The following TNS4 variants were observed in gnomAD, a reference collection of about 807,000 sequenced individuals.
The protein encoded by TNS4 is tensin-4.
TNS4 carries 46 observed loss-of-function variants against 70.4 expected under a neutral mutation model. That is an observed-to-expected ratio of 0.65 (90% CI 0.52 to 0.84). The LOEUF (loss-of-function observed/expected upper bound fraction) is 0.84, where lower values mean the gene tolerates loss of function less well. Among genes scored for constraint, TNS4 ranks in the 40% least tolerant of loss-of-function variants. The pLI, the probability that TNS4 is intolerant of heterozygous loss-of-function variation, is 0.00. For missense variants in TNS4, 863 were observed against 907.0 expected (o/e 0.95, Z 0.62); for synonymous variants, 390 against 366.6 (o/e 1.06, Z -0.73).
intron 2 of TNS4, 137 bp downstream of exon 2, chr17:40,495,850 G>C: frequency 1.2e-6 from 1 of 817,320 alleles, no homozygotes; most frequent in African/African-American, 1.8e-5. Context: ...AGAAAACAGA[G>C]GGGTTAGTAA....
chr17:40,482,063 C>A, intron 8 of TNS4, 66 bp downstream of exon 8: 1 of 1,566,584 alleles, frequency 6.4e-7, no homozygotes, highest in Non-Finnish European at 8.7e-7. Context: ...TAGGAGTGAA[C>A]CCCATTTCTA....
chr17:40,485,165 T>C (rs1488152635), intron 4 of TNS4, among the ~76,000 whole-genome samples, 158 bp from the exon 5 acceptor site: 1 of 152,102 alleles, frequency 6.6e-6, no homozygotes, highest in Non-Finnish European at 1.5e-5. Flanking sequence ...CCAAACTGCC[T>C]ACGATGAGGG....
rs964049054 is a variant in TNS4 at position 40,487,003 on chromosome 17, T to G, written c.1288+33A>C. ...TGGCACTTTGTCTATTCCCCAAATCTTACATTGCTTCAAATATTGGTTTAC... is the reference window on the plus strand; with the variant it reads ...TGGCACTTTGTCTATTCCCCAAATCGTACATTGCTTCAAATATTGGTTTAC... On this transcript the variant is annotated intron_variant, in intron 4 of 12. Coordinates refer to ENST00000254051, the MANE Select transcript of TNS4 (RefSeq NM_032865.6). The G allele has an allele frequency of 2.5e-6, 4 of 1,602,490 alleles. No homozygotes were observed. In the African/African-American group the frequency reaches 5.4e-5, roughly 21 times the overall value.
chr17:40,489,796 CA>C (rs11463268), intron 2 of TNS4, among the ~76,000 whole-genome samples: 220 of 105,560 alleles, frequency 2.1e-3, no homozygotes, highest in East Asian at 3.0e-3. Context: ...GCCCCATCTC[CA>C]AAAAAAAAAA....
intron 4 of TNS4, 33 bp from the exon 5 acceptor site, chr17:40,485,040 G>C: frequency 1.9e-6 from 3 of 1,592,912 alleles, no homozygotes; most frequent in Non-Finnish European, 2.6e-6. Context: ...GACCCTGTAG[G>C]CTGGACAGAC....
At position 40,496,418 on chromosome 17, in the gene TNS4, T is replaced by C; in HGVS notation, c.8A>G (p.Gln3Arg). 6.2e-7 allele frequency: 1 copy of C among 1,611,692 alleles called. No homozygotes were observed. Among genetic ancestry groups the C allele is most frequent in the Non-Finnish European group, 8.5e-7 (1 of 1,179,690 alleles). MS[Q>R]VMSSPLLAGG... Reference sequence around the variant, plus strand: ...TGCCAGCAGTGGGCTGGACATCACCTGGGACATGGTGGGGGTGGTGACCTC... The same window carrying C: ...TGCCAGCAGTGGGCTGGACATCACCCGGGACATGGTGGGGGTGGTGACCTC... Residue 3 changes from glutamine (Q) to arginine (R), a missense_variant, in exon 2 of 13, where the codon CAG becomes CGG. Transcript: ENST00000254051.
chr17:40,484,803 C>T (rs2035970536), intron 5 of TNS4, 118 bp downstream of exon 5: 1 of 1,376,278 alleles, frequency 7.3e-7, no homozygotes, highest in South Asian at 1.3e-5. Flanking sequence ...CAGGACATCC[C>T]CCTCCCCCGC....
intron 2 of TNS4, among the ~76,000 whole-genome samples, chr17:40,495,268 C>T (rs1410029630): frequency 6.6e-6 from 1 of 152,162 alleles, no homozygotes; most frequent in Non-Finnish European, 1.5e-5. Flanking sequence ...GGGTTATTTA[C>T]ATCTATTGTG....
chr17:40,501,228 C>A (rs923668873), intron 1 of TNS4, among the ~76,000 whole-genome samples: 4 of 152,154 alleles, frequency 2.6e-5, no homozygotes, highest in Non-Finnish European at 5.9e-5. Flanking sequence ...GGGAGGATCA[C>A]CTGAGGTCAG....
intron 2 of TNS4, among the ~76,000 whole-genome samples, chr17:40,491,643 G>T (rs2036067163): frequency 6.6e-6 from 1 of 152,116 alleles, no homozygotes; most frequent in Non-Finnish European, 1.5e-5. Context: ...GACCTTGCTG[G>T]GGTCACTGAG....
chr17:40,487,505 C>A, intron 3 of TNS4, 45 bp from the exon 4 acceptor site: 4 of 1,558,226 alleles, frequency 2.6e-6, no homozygotes, highest in Non-Finnish European at 3.5e-6. Flanking sequence ...CAACAGGTGG[C>A]TCAGGGGCTA....
chr17:40,494,003 G>C (rs574330466), intron 2 of TNS4, among the ~76,000 whole-genome samples: 2 of 152,380 alleles, frequency 1.3e-5, no homozygotes, highest in African/African-American at 4.8e-5. Flanking sequence ...GAAACAGGAA[G>C]ACCCTTGACG....
chr17:40,487,450 G>A lies in TNS4; in HGVS notation c.874C>T (p.Leu292Phe). The A allele has an allele frequency of 1.2e-6, 2 of 1,604,406 alleles. No homozygotes were observed. The highest frequency in any genetic ancestry group is 1.7e-6 in the Non-Finnish European group (2 of 1,172,764). The change falls in exon 4 of 13, where the codon CTC (leucine) becomes TTC (phenylalanine). Residue 292 changes from leucine to phenylalanine, a missense_variant. Physicochemically the swap from Leu to Phe is conservative, Grantham distance 22. Transcript: ENST00000254051. ...VSYMFGSSQS[L>F]LHSSNSSHQS... Reference sequence around the variant, plus strand: ...TGGCTGGAGTTGCTGGAGTGCAGGAGGGACTGGCTGCTGCAGCGGGAGAGA... The same window carrying A: ...TGGCTGGAGTTGCTGGAGTGCAGGAAGGACTGGCTGCTGCAGCGGGAGAGA...
intron 7 of TNS4, 36 bp downstream of exon 7, chr17:40,482,288 C>G: frequency 1.2e-6 from 2 of 1,614,094 alleles, no homozygotes; most frequent in Non-Finnish European, 1.7e-6. Flanking sequence ...CGCTGGCCCC[C>G]CATCCCGGGG....
At chr17:40,491,742 A>C (rs181555413) in intron 2 of TNS4, among the ~76,000 whole-genome samples, 3 of 152,186 alleles carry the variant, frequency 2.0e-5, no homozygotes, top group Admixed American at 2.0e-4. Context: ...TACCCATTGC[A>C]GGGGTGCAGT....
rs2036033012 is a variant in TNS4 at position 40,489,067 on chromosome 17, C to T, written c.440-98G>A. 3 of 1,226,700 alleles carry T rather than the reference C, an allele frequency of 2.4e-6. No homozygotes were observed. In the East Asian group the frequency reaches 7.3e-5, roughly 30 times the overall value. 76.0% of individuals were successfully genotyped at this position (1,226,700 alleles called of 1,614,324 possible). Reference sequence around the variant, plus strand: ...TCCTCAAGGTCATTCTGTCCCCCCTCTTTTATAGAGACGAGGACACTGAGG... The same window carrying T: ...TCCTCAAGGTCATTCTGTCCCCCCTTTTTTATAGAGACGAGGACACTGAGG... On this transcript the variant is annotated intron_variant, in intron 2 of 12. Coordinates refer to ENST00000254051, the MANE Select transcript of TNS4 (RefSeq NM_032865.6).
chr17:40,478,636 C>T lies in TNS4; in HGVS notation c.1923G>A (p.Arg641=). The T allele has an allele frequency of 1.2e-6, 2 of 1,614,112 alleles. No individual in the cohort carries two copies. The highest frequency in any genetic ancestry group is 1.7e-6 in the Non-Finnish European group (2 of 1,179,998). The change falls in exon 11 of 13, where the codon CGG becomes CGA. Residue 641 remains arginine, a synonymous_variant. Transcript: ENST00000254051. The stretch of plus-strand genomic sequence containing the variant: ...GGAGGGTGGTGAGTGGGTAATGGCG[C>T]CGGAAAAACACCCTAGGAGGAGGCG... ...LTDVQRKVFF[R]RHYPLTTLRF... is the part of the protein sequence containing the mutation.
At chr17:40,492,119 G>A (rs1014496202) in intron 2 of TNS4, among the ~76,000 whole-genome samples, 5 of 152,190 alleles carry the variant, frequency 3.3e-5, no homozygotes, top group African/African-American at 1.2e-4. Context: ...CCTCAGAAGA[G>A]GAGCCTGCAG....
At chr17:40,479,590 A>G in intron 10 of TNS4, 84 bp downstream of exon 10, 2 of 1,517,176 alleles carry the variant, frequency 1.3e-6, no homozygotes, top group Non-Finnish European at 1.8e-6. Flanking sequence ...CTTGACCTTC[A>G]TCCCTGATCT....
Sources: allele counts gnomAD v4.1 joint callset (sites outside exome capture counted in the v4.1 genomes callset), GRCh38; gene constraint gnomAD v4.1.1; transcripts MANE v1.5; gene names NCBI Gene and HGNC (gene_info 2026-07-23, HGNC 2026-07-21).